The following CAST variants were observed in gnomAD, a reference collection of about 807,000 sequenced individuals.
CAST encodes the protein calpastatin, also known as MIR583 host.
A neutral mutation model predicts 119.6 loss-of-function variants in CAST; 76 were observed. The ratio of observed to expected loss-of-function variants is 0.64; its 90% CI spans 0.53 to 0.77. The LOEUF (loss-of-function observed/expected upper bound fraction) is 0.77, where lower values mean the gene tolerates loss of function less well. CAST is among the 30% of genes least tolerant of loss of function. The pLI, the probability that CAST is intolerant of heterozygous loss-of-function variation, is 0.00. For synonymous variants in CAST, 319 were observed against 331.6 expected, an observed-to-expected ratio of 0.96 and a Z score of 0.41; for missense variants, 953 against 946.5, an observed-to-expected ratio of 1.01 and a Z score of -0.09.
At chr5:96,468,046 C>T in the CAST span, among the ~76,000 whole-genome samples, 1 of 139,962 alleles carries the variant, frequency 7.1e-6, no homozygotes, top group African/African-American at 2.6e-5. Flanking sequence ...CCATGGAATA[C>T]TACTCAGCCA....
At chr5:96,591,172 G>A (rs2150191695) in intron 1 of CAST, among the ~76,000 whole-genome samples, 1 of 152,338 alleles carries the variant, frequency 6.6e-6, no homozygotes, top group Admixed American at 6.5e-5. Context: ...GAGAAGCAGA[G>A]CAAATAGCAC....
chr5:96,771,709 T>A lies in CAST; in HGVS notation c.*23+7T>A. ...ATACAAGTTAAGGTATCTGGTAAGT[T>A]GGGTGTTTATTTGTAAATGAAGACA... On this transcript the variant is annotated splice_region_variant and intron_variant, in intron 31 of 31. Coordinates refer to ENST00000675179, the MANE Select transcript of CAST (RefSeq NM_001750.7). 1 of 1,584,212 alleles carries A rather than the reference T, an allele frequency of 6.3e-7. No homozygotes were observed. Among genetic ancestry groups the A allele is most frequent in the South Asian group, 1.1e-5 (1 of 89,870 alleles).
chr5:96,378,847 A>C, the CAST span, among the ~76,000 whole-genome samples: 1 of 152,120 alleles, frequency 6.6e-6, no homozygotes, highest in Non-Finnish European at 1.5e-5. Context: ...ATTATTTAAA[A>C]ATTTTATGTT....
the CAST span, among the ~76,000 whole-genome samples, chr5:96,100,003 A>G: frequency 1.3e-5 from 2 of 152,098 alleles, no homozygotes; most frequent in Non-Finnish European, 2.9e-5. Flanking sequence ...CCTTAATTTC[A>G]GAATTCGTTA....
chr5:96,020,604 G>C, the CAST span, among the ~76,000 whole-genome samples: 636 of 152,308 alleles, frequency 4.2e-3, 2 homozygotes, highest in Non-Finnish European at 6.7e-3. Flanking sequence ...AATCTAGGTT[G>C]CATGCTCTTT....
the CAST span, among the ~76,000 whole-genome samples, chr5:96,161,443 TA>T: frequency 6.6e-6 from 1 of 152,156 alleles, no homozygotes; most frequent in South Asian, 2.1e-4. Context: ...TAACCAACCA[TA>T]AAAAAATGAT....
the CAST span, chr5:96,397,303 C>G: frequency 6.3e-7 from 1 of 1,599,386 alleles, no homozygotes; most frequent in East Asian, 2.2e-5. Flanking sequence ...TAAAAGTAAG[C>G]TTGTGTTTTT....
At chr5:96,340,930 T>C in the CAST span, among the ~76,000 whole-genome samples, 1 of 152,252 alleles carries the variant, frequency 6.6e-6, no homozygotes, top group Non-Finnish European at 1.5e-5. Context: ...AAATAGTCTG[T>C]AATTCATAGT....
At chr5:96,560,003 C>G (rs573671960) in intron 1 of CAST, among the ~76,000 whole-genome samples, 279 of 152,222 alleles carry the variant, frequency 1.8e-3, no homozygotes, top group Middle Eastern at 0.017. Context: ...GGTACCAAAA[C>G]AGAGATATAG....
At chr5:96,144,541 C>A in the CAST span, among the ~76,000 whole-genome samples, 4 of 152,184 alleles carry the variant, frequency 2.6e-5, no homozygotes, top group African/African-American at 9.7e-5. Flanking sequence ...TTTAGTGATG[C>A]TTGTGCTTGG....
chr5:96,592,825 C>T (rs1007416489), intron 1 of CAST, among the ~76,000 whole-genome samples: 3 of 151,686 alleles, frequency 2.0e-5, no homozygotes, highest in Admixed American at 6.6e-5. Flanking sequence ...AGTGCAGTGC[C>T]GTGATCTCTG....
chr5:96,137,251 A>G, the CAST span, among the ~76,000 whole-genome samples: 1 of 152,158 alleles, frequency 6.6e-6, no homozygotes, highest in Non-Finnish European at 1.5e-5. Context: ...ATGTGACATA[A>G]TTGGAATCAT....
the CAST span, among the ~76,000 whole-genome samples, chr5:96,217,121 C>A: frequency 3.9e-4 from 59 of 151,692 alleles, no homozygotes; most frequent in African/African-American, 1.4e-3. Flanking sequence ...TCCTTGTAGT[C>A]TCGAACTCCT....
chr5:96,132,589 C>T, the CAST span, among the ~76,000 whole-genome samples: 1 of 152,026 alleles, frequency 6.6e-6, no homozygotes. Context: ...CTCTAATAAC[C>T]ACAATTCTAC....
the CAST span, among the ~76,000 whole-genome samples, chr5:96,325,384 T>C: frequency 6.6e-6 from 1 of 151,694 alleles, no homozygotes; most frequent in African/African-American, 2.4e-5. Context: ...CTTTCTTCTT[T>C]CTTTCTTTCT....
the CAST span, among the ~76,000 whole-genome samples, chr5:95,996,962 A>G: frequency 6.6e-6 from 1 of 152,148 alleles, no homozygotes; most frequent in African/African-American, 2.4e-5. Context: ...ATCACATAAG[A>G]AATAGTAAAA....
At chr5:96,414,484 C>T in the CAST span, among the ~76,000 whole-genome samples, 1 of 152,146 alleles carries the variant, frequency 6.6e-6, no homozygotes, top group Non-Finnish European at 1.5e-5. Context: ...ATCTGTTAAC[C>T]ACCAGGATAC....
chr5:96,140,434 T>G, the CAST span, among the ~76,000 whole-genome samples: 2 of 152,234 alleles, frequency 1.3e-5, no homozygotes, highest in Non-Finnish European at 2.9e-5. Context: ...GAGAACAGAA[T>G]AGAATAATGC....
chr5:96,417,079 GA>G, the CAST span, among the ~76,000 whole-genome samples: 1 of 152,210 alleles, frequency 6.6e-6, no homozygotes, highest in Non-Finnish European at 1.5e-5. Flanking sequence ...TAGAGTGAAA[GA>G]GAGGAAGGGT....
Sources: allele counts gnomAD v4.1 joint callset (sites outside exome capture counted in the v4.1 genomes callset), GRCh38; gene constraint gnomAD v4.1.1; transcripts MANE v1.5; gene names NCBI Gene and HGNC (gene_info 2026-07-23, HGNC 2026-07-21).